SDK1: variants seen among roughly 807,000 people sequenced by gnomAD.
SDK1 encodes the protein sidekick cell adhesion molecule 1, also known as protein sidekick-1.
Under a neutral mutation model 245.5 loss-of-function variants are expected in SDK1, and 157 were observed. The observed-to-expected ratio is 0.64, with a 90% CI of 0.56 to 0.73. SDK1 has a LOEUF of 0.73. Among genes scored for constraint, SDK1 ranks in the 30% least tolerant of loss-of-function variants. The probability of loss-of-function intolerance (pLI) is 0.00; values close to 1 mark genes in which losing one functional copy is unlikely to be tolerated. For missense variants in SDK1, 3,583 were observed against 3,002.3 expected, an observed-to-expected ratio of 1.19 and a Z score of -4.52; for synonymous variants, 1,647 against 1,278.5, an observed-to-expected ratio of 1.29 and a Z score of -6.15.
At chr7:3,504,955 T>G (rs1180151029) in intron 1 of SDK1, among the ~76,000 whole-genome samples, 1 of 152,130 alleles carries the variant, frequency 6.6e-6, no homozygotes, top group Non-Finnish European at 1.5e-5. Context: ...AAAACTAGTT[T>G]CCAAATGTAA....
intron 1 of SDK1, among the ~76,000 whole-genome samples, chr7:3,493,227 AGGC>A (rs1218671460): frequency 6.6e-6 from 1 of 151,992 alleles, no homozygotes; most frequent in Non-Finnish European, 1.5e-5. Context: ...CTGAGATTAC[AGGC>A]GTCAACCACC....
chr7:4,186,110 C>T (rs571936065), intron 35 of SDK1, among the ~76,000 whole-genome samples: 17 of 152,346 alleles, frequency 1.1e-4, no homozygotes, highest in East Asian at 1.9e-4. Flanking sequence ...TAAAACAAAA[C>T]GAAACAAAAT....
chr7:4,175,642 C>A, intron 33 of SDK1, 133 bp from the exon 34 acceptor site: 1 of 775,080 alleles, frequency 1.3e-6, no homozygotes, highest in Non-Finnish European at 2.3e-6. Flanking sequence ...GTCTTTATTG[C>A]CCCGGGAGGC....
chr7:3,872,228 A>T (rs956769099), intron 5 of SDK1, among the ~76,000 whole-genome samples: 1 of 152,166 alleles, frequency 6.6e-6, no homozygotes, highest in African/African-American at 2.4e-5. Context: ...TATATTCTCT[A>T]TTCATGAGAG....
chr7:3,322,762 C>T (rs1779848714), intron 1 of SDK1, among the ~76,000 whole-genome samples: 1 of 152,132 alleles, frequency 6.6e-6, no homozygotes, highest in Non-Finnish European at 1.5e-5. Flanking sequence ...ATGGTAATTG[C>T]ACTCTTTTGC....
At chr7:3,628,672 TA>T (rs1223897855) in intron 2 of SDK1, among the ~76,000 whole-genome samples, 1 of 152,208 alleles carries the variant, frequency 6.6e-6, no homozygotes, top group African/African-American at 2.4e-5. Flanking sequence ...TTTGTCTCCC[TA>T]AAAACTGGCA....
intron 17 of SDK1, among the ~76,000 whole-genome samples, chr7:4,046,511 C>T (rs926664671): frequency 6.6e-6 from 1 of 152,066 alleles, no homozygotes; most frequent in African/African-American, 2.4e-5. Context: ...TAGATTTTGT[C>T]TTATTTTGTG....
chr7:4,054,066 GT>G (rs1481917555), intron 19 of SDK1, among the ~76,000 whole-genome samples: 1 of 151,982 alleles, frequency 6.6e-6, no homozygotes, highest in East Asian at 1.9e-4. Context: ...GGCCTCTCAA[GT>G]AGCTGGTATT....
At chr7:4,197,119 G>A (rs546766474) in intron 35 of SDK1, among the ~76,000 whole-genome samples, 115 of 152,296 alleles carry the variant, frequency 7.6e-4, no homozygotes, top group Non-Finnish European at 1.2e-3. Context: ...TTAGAGCAGC[G>A]AGGAGACCCA....
intron 1 of SDK1, among the ~76,000 whole-genome samples, chr7:3,572,962 C>T (rs998997826): frequency 6.6e-6 from 1 of 151,922 alleles, no homozygotes; most frequent in African/African-American, 2.4e-5. Context: ...GAGAGGTGGA[C>T]AGTGTTGCAG....
chr7:4,029,489 G>A (rs1195091875), intron 17 of SDK1, among the ~76,000 whole-genome samples: 1 of 151,744 alleles, frequency 6.6e-6, no homozygotes. Context: ...GAGATTACAG[G>A]TGTTAGCCAC....
At chr7:3,537,824 T>A (rs987095202) in intron 1 of SDK1, among the ~76,000 whole-genome samples, 3 of 152,218 alleles carry the variant, frequency 2.0e-5, no homozygotes, top group Non-Finnish European at 4.4e-5. Context: ...ATAGCCTGGC[T>A]GCCAGTGTTC....
chr7:4,143,263 G>T (rs906318477), intron 28 of SDK1, among the ~76,000 whole-genome samples: 1 of 152,218 alleles, frequency 6.6e-6, no homozygotes, highest in African/African-American at 2.4e-5. Context: ...TTCCATGGAG[G>T]CTGTGAGGAA....
At chr7:3,383,922 T>C (rs1051970730) in intron 1 of SDK1, among the ~76,000 whole-genome samples, 2 of 152,188 alleles carry the variant, frequency 1.3e-5, no homozygotes, top group African/African-American at 4.8e-5. Context: ...ATCTTATGGG[T>C]CACAACACAT....
intron 1 of SDK1, among the ~76,000 whole-genome samples, chr7:3,310,825 C>A (rs544868587): frequency 6.6e-6 from 1 of 152,286 alleles, no homozygotes; most frequent in African/African-American, 2.4e-5. Flanking sequence ...GCTAGCTTTG[C>A]ATCCTTGGGT....
At chr7:4,216,058 C>CGTG (rs1414931529) in intron 38 of SDK1, among the ~76,000 whole-genome samples, 2 of 152,208 alleles carry the variant, frequency 1.3e-5, no homozygotes, top group East Asian at 3.9e-4. Context: ...TTGGCAGGAA[C>CGTG]GTGGTTCAGG....
intron 1 of SDK1, among the ~76,000 whole-genome samples, chr7:3,459,037 C>T (rs1459074797): frequency 6.6e-6 from 1 of 152,030 alleles, no homozygotes; most frequent in African/African-American, 2.4e-5. Context: ...AAACACAGAC[C>T]AAAAAACTCT....
At chr7:4,219,309 T>A (rs752380387) in intron 38 of SDK1, among the ~76,000 whole-genome samples, 4 of 152,190 alleles carry the variant, frequency 2.6e-5, no homozygotes. Flanking sequence ...ATACGCTCCC[T>A]GTGTTAATCT....
chr7:4,220,762 C>T (rs1357566413), intron 39 of SDK1, among the ~76,000 whole-genome samples: 7 of 151,932 alleles, frequency 4.6e-5, no homozygotes, highest in Admixed American at 2.0e-4. Context: ...AGGCCCTCTT[C>T]AGGTTTTTTT....
Sources: allele counts gnomAD v4.1 joint callset (sites outside exome capture counted in the v4.1 genomes callset), GRCh38; gene constraint gnomAD v4.1.1; transcripts MANE v1.5; gene names NCBI Gene and HGNC (gene_info 2026-07-23, HGNC 2026-07-21).